The following CUL2 variants were observed in gnomAD, a reference collection of about 807,000 sequenced individuals.
The protein encoded by CUL2 is cullin-2.
A neutral mutation model predicts 110.2 loss-of-function variants in CUL2; 22 were observed. The observed-to-expected ratio is 0.20, with a 90% CI of 0.14 to 0.28. The LOEUF (loss-of-function observed/expected upper bound fraction) is 0.28, where lower values mean the gene tolerates loss of function less well. CUL2 is among the 10% of genes least tolerant of loss of function. The pLI, the probability that CUL2 is intolerant of heterozygous loss-of-function variation, is 1.00. For synonymous variants in CUL2, 279 were observed against 293.2 expected (o/e 0.95, Z 0.49); for missense variants, 631 against 905.5 (o/e 0.70, Z 3.89).
In CUL2 at chr10:35,008,816, CTAAG is replaced by C. The variant is rs1464015319; in HGVS notation, c.*1491_*1494del. ...AATATGAACCACATATTAGATGATACTAAGTAATTATTGTTTTTGTTAGGAGTAA... is the reference window on the plus strand; with the variant it reads ...AATATGAACCACATATTAGATGATACTAATTATTGTTTTTGTTAGGAGTAA... On this transcript the variant is annotated 3_prime_UTR_variant, in exon 21 of 21. Coordinates refer to ENST00000374749, the MANE Select transcript of CUL2 (RefSeq NM_003591.4). The C allele has an allele frequency of 3.3e-5, 5 of 152,246 alleles. No individual in the cohort carries two copies. The highest frequency in any genetic ancestry group is 9.6e-5 in the African/African-American group (4 of 41,548). The allele number at this position is 152,246 out of a possible 1,614,324, so 9.4% of individuals were successfully genotyped here.
Position 35,028,803 on chromosome 10 carries a change from A to T in CUL2, c.1617+7T>A, listed in dbSNP as rs771145277. 6 of 1,587,446 alleles carry T rather than the reference A, an allele frequency of 3.8e-6. No homozygotes were observed. Among genetic ancestry groups the T allele is most frequent in the Non-Finnish European group, 5.2e-6 (6 of 1,160,340 alleles). Reference sequence around the variant, plus strand: ...TTAGTCTTCTAATATATTTCCTGCAAACTTACCATCTGTACACTTTTTTCT... The same window carrying T: ...TTAGTCTTCTAATATATTTCCTGCATACTTACCATCTGTACACTTTTTTCT... On this transcript the variant is annotated splice_region_variant and intron_variant, in intron 16 of 20. Coordinates refer to ENST00000374749, the MANE Select transcript of CUL2 (RefSeq NM_003591.4).
intron 1 of CUL2, among the ~76,000 whole-genome samples, chr10:35,084,655 A>T (rs1281419293): frequency 6.6e-6 from 1 of 152,254 alleles, no homozygotes; most frequent in African/African-American, 2.4e-5. Flanking sequence ...ATTGTGATTA[A>T]CTGATTACTG....
At position 35,105,221 on chromosome 10, in the gene CUL2, C is replaced by T. The variant is rs967201746; in HGVS notation, c.-50-4161G>A. On this transcript the variant is annotated intron_variant, in intron 1 of 5. Coordinates refer to the CUL2 transcript ENST00000685421. ...CGGGCGGATCACGAGGTCAGGAAAT[C>T]GAGACCATCCTGGTTAACACCGTGA... Among the ~76,000 whole-genome samples the T allele has an allele frequency of 9.3e-5, 14 of 150,316 alleles. No individual in the cohort carries two copies. The East Asian group carries it at 2.6e-3, about 28-fold the overall frequency.
intron 2 of CUL2, chr10:35,063,710 TC>T (rs1479922245): frequency 6.6e-6 from 1 of 151,610 alleles, no homozygotes; most frequent in East Asian, 1.9e-4. Context: ...TAGCCAGTGA[TC>T]TTAACCAAGT....
At chr10:35,017,671 C>T (rs1261142537) in intron 17 of CUL2, among the ~76,000 whole-genome samples, 13 of 147,600 alleles carry the variant, frequency 8.8e-5, no homozygotes, top group South Asian at 2.2e-4. Context: ...CAAACCTGGG[C>T]GACAGAATGA....
At chr10:35,025,476 GATTC>G (rs1424830777) in intron 16 of CUL2, among the ~76,000 whole-genome samples, 1 of 152,112 alleles carries the variant, frequency 6.6e-6, no homozygotes, top group African/African-American at 2.4e-5. Context: ...ATGACACAGT[GATTC>G]ATTATCATTT....
chr10:35,102,226 C>A (rs932638451), intron 1 of CUL2, among the ~76,000 whole-genome samples: 5 of 151,442 alleles, frequency 3.3e-5, no homozygotes, highest in African/African-American at 1.2e-4. Context: ...CAGAGCGAGA[C>A]TCCATCTCAA....
intron 19 of CUL2, among the ~76,000 whole-genome samples, chr10:35,012,285 A>G (rs1467019150): frequency 6.6e-6 from 1 of 152,194 alleles, no homozygotes; most frequent in Non-Finnish European, 1.5e-5. Context: ...TTCTAGGGTT[A>G]AAGTTGAAAG....
chr10:35,115,706 C>A (rs968228772), intron 1 of CUL2, among the ~76,000 whole-genome samples: 1 of 151,924 alleles, frequency 6.6e-6, no homozygotes, highest in African/African-American at 2.4e-5. Context: ...CCTGCCTGGG[C>A]AACATAGTGA....
At chr10:35,036,885 C>G (rs2085634735) in intron 9 of CUL2, among the ~76,000 whole-genome samples, 3 of 152,102 alleles carry the variant, frequency 2.0e-5, no homozygotes, top group Admixed American at 1.3e-4. Flanking sequence ...AGGTGCACAC[C>G]ACCCCGCCTG....
intron 15 of CUL2, among the ~76,000 whole-genome samples, chr10:35,029,219 G>A (rs1232876936): frequency 6.6e-6 from 1 of 152,006 alleles, no homozygotes; most frequent in East Asian, 1.9e-4. Flanking sequence ...CACCACACCT[G>A]GCTAATTTTT....
At chr10:35,021,228 T>C (rs1036821777) in intron 17 of CUL2, among the ~76,000 whole-genome samples, 9 of 151,788 alleles carry the variant, frequency 5.9e-5, no homozygotes, top group Admixed American at 6.6e-5. Flanking sequence ...ACCTCCATGT[T>C]AATCTGCAGC....
intron 1 of CUL2, among the ~76,000 whole-genome samples, chr10:35,123,158 AAAAAC>A (rs60181547): frequency 1.7e-4 from 26 of 151,406 alleles, no homozygotes; most frequent in African/African-American, 5.4e-4. Flanking sequence ...AAACATAACA[AAAAAC>A]AAAACAAAAC....
At position 35,077,330 on chromosome 10, in the gene CUL2, C is replaced by CA. The variant is rs991140755; in HGVS notation, c.-22-5992dup. On this transcript the variant is annotated intron_variant, in intron 1 of 20. Transcript: ENST00000374749. The stretch of plus-strand genomic sequence containing the variant: ...CAAAAAACAAAAACAAACAAACAAA[C>CA]AAAAAAAACAAACAAAAATTAGCCG... Among the ~76,000 whole-genome samples, 731 of 146,014 alleles carry CA rather than the reference C, an allele frequency of 5.0e-3. 6 individuals are homozygous for CA. Among genetic ancestry groups the CA allele is most frequent in the African/African-American group, 0.014 (542 of 39,566 alleles).
chr10:35,111,524 C>A (rs892070986), intron 1 of CUL2, among the ~76,000 whole-genome samples: 1 of 152,178 alleles, frequency 6.6e-6, no homozygotes, highest in African/African-American at 2.4e-5. Flanking sequence ...TCCCAAAATG[C>A]TGGGATTACA....
At chr10:35,088,514 A>AAAAG in intron 1 of CUL2, among the ~76,000 whole-genome samples, 1 of 151,568 alleles carries the variant, frequency 6.6e-6, no homozygotes, top group Non-Finnish European at 1.5e-5. Flanking sequence ...AAAAAAAAAA[A>AAAAG]AAAAAAAGAA....
intron 16 of CUL2, 65 bp from the exon 17 acceptor site, chr10:35,025,263 C>T (rs1588961143): frequency 3.4e-6 from 5 of 1,485,880 alleles, no homozygotes; most frequent in East Asian, 2.4e-5. Context: ...TTAATTAACA[C>T]AATACTACAA....
intron 6 of CUL2, among the ~76,000 whole-genome samples, chr10:35,045,507 G>T (rs370057463): frequency 2.2e-5 from 3 of 136,736 alleles, no homozygotes; most frequent in South Asian, 5.3e-4. Flanking sequence ...TGAGTCCTGA[G>T]TTTGAGACTA....
Position 35,033,220 on chromosome 10 carries a change from C to T in CUL2, c.1056G>A (p.Gln352=). 6.2e-7 allele frequency: 1 copy of T among 1,613,706 alleles called. No individual in the cohort carries two copies. The highest frequency in any genetic ancestry group is 2.2e-5 in the East Asian group (1 of 44,802). Residue 352 remains glutamine (Q), a synonymous_variant, in exon 11 of 21, where the codon CAG becomes CAA. Transcript: ENST00000374749. ...CACCATTCAAAACAGTGTTGATAAG[C>T]TGAACAAATTTACCATGCACTTCCA... ...SVLEVHGKFV[Q]LINTVLNGDQ...
Sources: gnomAD v4.1 joint callset for allele counts (sites outside exome capture counted in the v4.1 genomes callset) on GRCh38, gnomAD v4.1.1 for gene constraint, MANE v1.5 for transcripts, NCBI Gene and HGNC (gene_info 2026-07-23, HGNC 2026-07-21) for gene names.